DAB2IP: variants seen among roughly 807,000 people sequenced by gnomAD.
DAB2IP encodes the protein disabled homolog 2-interacting protein.
Under a neutral mutation model 107.2 loss-of-function variants are expected in DAB2IP, and 28 were observed. That is an observed-to-expected ratio of 0.26 (90% CI 0.19 to 0.36). The LOEUF (loss-of-function observed/expected upper bound fraction) is 0.36. Among genes scored for constraint, DAB2IP ranks in the 10% least tolerant of loss-of-function variants. DAB2IP has a pLI of 1.00. For missense variants in DAB2IP, 1,400 were observed against 1,644.7 expected (o/e 0.85, Z 2.57); for synonymous variants, 755 against 706.4 (o/e 1.07, Z -1.09).
At chr9:121,667,104 G>A (rs1024540723) in intron 1 of DAB2IP, among the ~76,000 whole-genome samples, 5 of 151,830 alleles carry the variant, frequency 3.3e-5, no homozygotes, top group African/African-American at 7.3e-5. Flanking sequence ...TCTGCCTCCC[G>A]GGTTCAAGCA....
In DAB2IP at chr9:121,635,685, G is replaced by A. The variant is rs531862338; in HGVS notation, c.41-42993G>A. 6.6e-6 allele frequency among the ~76,000 whole-genome samples: 1 copy of A among 152,234 alleles called. No homozygotes were observed. ...GAAAGGATATCCAGAGCTAGAGAGG[G>A]TGGGGCTTGAGGGTGGAGGCCATTC... On this transcript the variant is annotated intron_variant, in intron 1 of 16. Transcript: ENST00000259371. The surrounding 1 kb of genome is among the most constrained non-coding windows in gnomAD (Gnocchi z 4.3).
At chr9:121,672,316 A>G (rs1422148104) in intron 1 of DAB2IP, among the ~76,000 whole-genome samples, 1 of 152,074 alleles carries the variant, frequency 6.6e-6, no homozygotes, top group African/African-American at 2.4e-5. Context: ...TGCTGCCTCT[A>G]CCTGCCTTTA....
chr9:121,643,864 T>C (rs953413623), intron 1 of DAB2IP, among the ~76,000 whole-genome samples: 4 of 152,102 alleles, frequency 2.6e-5, no homozygotes, highest in African/African-American at 9.7e-5. Flanking sequence ...ATCCACAAAT[T>C]AGTGAGAAAA....
chr9:121,666,917 A>ACACACACACACACAC (rs1564143999), intron 1 of DAB2IP, among the ~76,000 whole-genome samples: 38 of 104,750 alleles, frequency 3.6e-4, no homozygotes, highest in African/African-American at 1.1e-3. Context: ...CACACACACA[A>ACACACACACACACAC]CACTCTTAAA....
intron 1 of DAB2IP, among the ~76,000 whole-genome samples, chr9:121,631,051 C>T (rs1831860879): frequency 6.6e-6 from 1 of 152,126 alleles, no homozygotes; most frequent in African/African-American, 2.4e-5. Context: ...CTACCCCATG[C>T]TGACAGGGAT....
rs1835745766 is a variant in DAB2IP at position 121,782,640 on chromosome 9, A to C, written c.*142A>C. On this transcript the variant is annotated 3_prime_UTR_variant, in exon 16 of 16. Transcript: ENST00000408936. The surrounding 1 kb of genome is among the most constrained non-coding windows in gnomAD (Gnocchi z 6.1). ...GAGCCTCCCCTCCCTGCCGCTGTCC[A>C]GGAGGCGGCCGCAGAGGGAGCCACC... 9 of 1,480,036 alleles carry C rather than the reference A, an allele frequency of 6.1e-6. No homozygotes were observed. The highest frequency in any genetic ancestry group is 8.0e-6 in the Non-Finnish European group (9 of 1,120,438). 91.7% of individuals were successfully genotyped at this position (1,480,036 alleles called of 1,614,324 possible). A position where few individuals can be genotyped will look rare whatever the true frequency, so the allele number is the denominator to read the frequency against.
intron 1 of DAB2IP, among the ~76,000 whole-genome samples, chr9:121,641,892 C>CCTTTCTTTCTTTCTCTTTCTTT (rs1554718108): frequency 2.2e-5 from 2 of 89,334 alleles, no homozygotes; most frequent in African/African-American, 5.3e-5. Flanking sequence ...CATTTCTTTC[C>CCTTTCTTTCTTTCTCTTTCTTT]CTTTCTTTCT....
chr9:121,741,138 C>G (rs1227278812), intron 3 of DAB2IP, among the ~76,000 whole-genome samples: 1 of 152,202 alleles, frequency 6.6e-6, no homozygotes. Context: ...ACCCCCTCCT[C>G]TCCCCACATG....
intron 1 of DAB2IP, among the ~76,000 whole-genome samples, chr9:121,626,861 TC>T (rs1432491324): frequency 6.6e-6 from 1 of 152,208 alleles, no homozygotes; most frequent in Non-Finnish European, 1.5e-5. Context: ...GTTTTGAATT[TC>T]TAAAGACTTT....
chr9:121,579,127 T>G (rs1372402550), intron 1 of DAB2IP, among the ~76,000 whole-genome samples: 2 of 152,072 alleles, frequency 1.3e-5, no homozygotes, highest in African/African-American at 4.8e-5. Flanking sequence ...ATGATGTAAC[T>G]TCTCTGAATC....
At chr9:121,660,078 C>T (rs1833140675) in intron 1 of DAB2IP, among the ~76,000 whole-genome samples, 1 of 152,020 alleles carries the variant, frequency 6.6e-6, no homozygotes. Flanking sequence ...TAGGCAGGGC[C>T]TTGAGTGGTG....
chr9:121,672,284 C>T (rs1445917900), intron 1 of DAB2IP, among the ~76,000 whole-genome samples: 5 of 152,158 alleles, frequency 3.3e-5, no homozygotes, highest in African/African-American at 1.2e-4. Flanking sequence ...CTTCTTTTCT[C>T]CTGACGTTAG....
In DAB2IP at chr9:121,774,418, A is replaced by G; in HGVS notation, c.3120+6A>G. 1 of 1,607,138 alleles carries G rather than the reference A, an allele frequency of 6.2e-7. No homozygotes were observed. Among genetic ancestry groups the G allele is most frequent in the Non-Finnish European group, 8.5e-7 (1 of 1,177,694 alleles). ...AGCTCAGCCAAGCAGAAAAGGTAAA[A>G]CTGGACCCTGGCGGCTCGGGACAGG... On this transcript the variant is annotated splice_donor_region_variant and intron_variant, in intron 13 of 15. Coordinates refer to ENST00000408936, the Ensembl canonical transcript of DAB2IP.
intron 2 of DAB2IP, among the ~76,000 whole-genome samples, chr9:121,697,423 G>A (rs1452573105): frequency 6.6e-6 from 1 of 152,180 alleles, no homozygotes; most frequent in African/African-American, 2.4e-5. Context: ...GCCAGGTGCA[G>A]CCCCCTCTCC....
intron 3 of DAB2IP, chr9:121,750,912 G>C (rs910377944): frequency 6.4e-6 from 1 of 155,378 alleles, no homozygotes; most frequent in South Asian, 1.9e-4. Context: ...CCCTCACAAT[G>C]AGCTGCTGTT....
chr9:121,686,884 G>A (rs539066889), intron 2 of DAB2IP, among the ~76,000 whole-genome samples: 5 of 152,276 alleles, frequency 3.3e-5, no homozygotes, highest in African/African-American at 1.2e-4. Context: ...CTTCCGTCAC[G>A]GCCCCAAAGC....
chr9:121,700,683 T>C (rs1829724555), intron 3 of DAB2IP, among the ~76,000 whole-genome samples: 1 of 152,166 alleles, frequency 6.6e-6, no homozygotes, highest in African/African-American at 2.4e-5. Flanking sequence ...AACTGACCCC[T>C]AGCATCTTCC....
rs1203374581 is a variant in DAB2IP, at chr9:121,698,564, C to T, written c.229-761C>T. 2.6e-5 allele frequency among the ~76,000 whole-genome samples: 4 copies of T among 152,208 alleles called. No homozygotes were observed. Among genetic ancestry groups the T allele is most frequent in the Non-Finnish European group, 4.4e-5 (3 of 68,036 alleles). On this transcript the variant is annotated intron_variant, in intron 2 of 15. Coordinates refer to ENST00000408936, the Ensembl canonical transcript of DAB2IP. The surrounding 1 kb of genome is among the most constrained non-coding windows in gnomAD (Gnocchi z 4.1). ...AGCAAACCCTTCAGCCCCTCGGGCC[C>T]CTCCCTGAGCTGAGCACTAGGGATC...
chr9:121,734,427 C>G (rs966472834), intron 3 of DAB2IP, among the ~76,000 whole-genome samples: 3 of 151,188 alleles, frequency 2.0e-5, no homozygotes, highest in Non-Finnish European at 4.4e-5. Context: ...AGCCTGCAAG[C>G]GGTTATGCAG....
Sources: gnomAD v4.1 joint callset for allele counts (sites outside exome capture counted in the v4.1 genomes callset) on GRCh38, gnomAD v4.1.1 for gene constraint, Gnocchi (gnomAD v3.1) non-coding constraint, MANE v1.5 for transcripts, NCBI Gene and HGNC (gene_info 2026-07-23, HGNC 2026-07-21) for gene names.